NELL1: variants seen among roughly 807,000 people sequenced by gnomAD.
NELL1 encodes the protein protein kinase C-binding protein NELL1.
A neutral mutation model predicts 107.4 loss-of-function variants in NELL1; 76 were observed. The ratio of observed to expected loss-of-function variants is 0.71; its 90% confidence interval spans 0.59 to 0.86. The LOEUF (loss-of-function observed/expected upper bound fraction) is 0.86, where lower values mean the gene tolerates loss of function less well. Among genes scored for constraint, NELL1 ranks in the 40% least tolerant of loss-of-function variants. The pLI is 0.00. For synonymous variants in NELL1, 353 were observed against 341.2 expected, an observed-to-expected ratio of 1.03 and a Z score of -0.38; for missense variants, 1,024 against 1,005.5, an observed-to-expected ratio of 1.02 and a Z score of -0.25.
intron 15 of NELL1, among the ~76,000 whole-genome samples, chr11:21,476,441 C>A (rs1299916371): frequency 6.6e-6 from 1 of 152,052 alleles, no homozygotes; most frequent in Non-Finnish European, 1.5e-5. Context: ...GGATGGAGTA[C>A]AAGGAATGTC....
At chr11:20,868,939 T>C (rs143415540) in intron 4 of NELL1, among the ~76,000 whole-genome samples, 37 of 152,112 alleles carry the variant, frequency 2.4e-4, no homozygotes, top group African/African-American at 8.9e-4. Context: ...CGAGGAAAGA[T>C]TGAGTGGGAA....
At chr11:20,880,801 G>A (rs952802279) in intron 4 of NELL1, among the ~76,000 whole-genome samples, 1 of 152,214 alleles carries the variant, frequency 6.6e-6, no homozygotes, top group Non-Finnish European at 1.5e-5. Context: ...AGGGATTCAA[G>A]ATTCTCGGTC....
intron 12 of NELL1, among the ~76,000 whole-genome samples, chr11:21,080,513 A>G (rs970891531): frequency 3.9e-5 from 6 of 152,114 alleles, no homozygotes; most frequent in African/African-American, 7.2e-5. Flanking sequence ...ATATAGAATC[A>G]TATTATATCT....
At chr11:21,475,219 C>CT (rs1377315063) in intron 15 of NELL1, among the ~76,000 whole-genome samples, 3 of 152,128 alleles carry the variant, frequency 2.0e-5, no homozygotes, top group South Asian at 2.1e-4. Context: ...TTTATCTATG[C>CT]TTTTTTTAAT....
At chr11:20,847,813 G>A (rs1301744117) in intron 4 of NELL1, 60 bp downstream of exon 4, 12 of 1,491,916 alleles carry the variant, frequency 8.0e-6, no homozygotes, top group Non-Finnish European at 9.9e-6. Flanking sequence ...ATGGAAAAGG[G>A]GAAAAAATAT....
intron 11 of NELL1, among the ~76,000 whole-genome samples, chr11:20,958,853 A>G (rs1420085532): frequency 6.6e-6 from 1 of 152,218 alleles, no homozygotes. Flanking sequence ...GAAAACCCGC[A>G]AATAGCTCAA....
intron 15 of NELL1, among the ~76,000 whole-genome samples, chr11:21,433,502 G>T (rs1853023158): frequency 6.6e-6 from 1 of 152,058 alleles, no homozygotes; most frequent in Non-Finnish European, 1.5e-5. Context: ...CCAACAGTGT[G>T]TATGAGTTCC....
intron 4 of NELL1, among the ~76,000 whole-genome samples, chr11:20,885,020 A>T (rs138645234): frequency 2.7e-3 from 411 of 152,328 alleles, no homozygotes; most frequent in Non-Finnish European, 5.1e-3. Flanking sequence ...GCAGGGTGCA[A>T]AGGAAAGTAC....
chr11:21,435,441 TTTTG>T (rs1222941667), intron 15 of NELL1, among the ~76,000 whole-genome samples: 2 of 129,286 alleles, frequency 1.5e-5, no homozygotes, highest in African/African-American at 7.0e-5. Context: ...GTTTTTTGTT[TTTTG>T]TTTTTTTTTT....
intron 1 of NELL1, among the ~76,000 whole-genome samples, chr11:20,674,038 C>G (rs560042436): frequency 6.6e-6 from 1 of 152,230 alleles, no homozygotes; most frequent in African/African-American, 2.4e-5. Context: ...TATCCAGAAG[C>G]CTAATTGATT....
chr11:20,736,683 A>G (rs929821008), intron 2 of NELL1, among the ~76,000 whole-genome samples: 4 of 152,176 alleles, frequency 2.6e-5, no homozygotes, highest in Non-Finnish European at 5.9e-5. Flanking sequence ...CAAGGGATAT[A>G]TTTCTAAAAT....
At chr11:21,552,281 G>A (rs1448238957) in intron 16 of NELL1, among the ~76,000 whole-genome samples, 2 of 151,662 alleles carry the variant, frequency 1.3e-5, no homozygotes, top group Non-Finnish European at 2.9e-5. Context: ...AAAACTTAAA[G>A]TATAATAATA....
intron 2 of NELL1, among the ~76,000 whole-genome samples, chr11:20,707,862 T>G (rs558280538): frequency 5.3e-5 from 8 of 152,316 alleles, no homozygotes; most frequent in Non-Finnish European, 1.2e-4. Context: ...AACAACTACT[T>G]TCTTCAAAGC....
At position 20,981,337 on chromosome 11, in the gene NELL1, G is replaced by A. The variant is rs749065665; in HGVS notation, c.1300+20777G>A. On this transcript the variant is annotated intron_variant, in intron 12 of 19. Transcript: ENST00000357134. ...TAAATAATTTTAGTAGGAATCATAA[G>A]TCTGTTGGTATCTCAGGCCCCATCA... Among the ~76,000 whole-genome samples, 9 of 152,200 alleles carry A rather than the reference G, an allele frequency of 5.9e-5. No individual in the cohort carries two copies. The South Asian group carries it at 1.9e-3, about 32-fold the overall frequency.
intron 15 of NELL1, among the ~76,000 whole-genome samples, chr11:21,528,610 A>C (rs944037206): frequency 6.8e-6 from 1 of 147,934 alleles, no homozygotes; most frequent in African/African-American, 2.5e-5. Context: ...CACCAGGATC[A>C]TGAGCAAAAT....
intron 14 of NELL1, among the ~76,000 whole-genome samples, chr11:21,307,979 T>C (rs1565159517): frequency 1.3e-5 from 2 of 151,990 alleles, no homozygotes; most frequent in African/African-American, 4.8e-5. Flanking sequence ...CCAAACTAAA[T>C]TGGTCATATG....
At chr11:20,723,735 G>A (rs575990327) in intron 2 of NELL1, among the ~76,000 whole-genome samples, 1 of 152,116 alleles carries the variant, frequency 6.6e-6, no homozygotes, top group Non-Finnish European at 1.5e-5. Context: ...GACTCTGTGG[G>A]GGGGGGCTCC....
At chr11:20,768,783 A>G (rs1413720827) in intron 2 of NELL1, among the ~76,000 whole-genome samples, 1 of 152,188 alleles carries the variant, frequency 6.6e-6, no homozygotes, top group Non-Finnish European at 1.5e-5. Flanking sequence ...GAAAAAGGCA[A>G]GGAAACAGTC....
intron 2 of NELL1, among the ~76,000 whole-genome samples, chr11:20,707,531 T>A (rs1854998302): frequency 6.6e-6 from 1 of 152,232 alleles, no homozygotes; most frequent in Non-Finnish European, 1.5e-5. Context: ...ATGATGGTGA[T>A]GTACAGATTG....
Sources: allele counts gnomAD v4.1 joint callset (sites outside exome capture counted in the v4.1 genomes callset), GRCh38; gene constraint gnomAD v4.1.1; transcripts MANE v1.5; gene names NCBI Gene and HGNC (gene_info 2026-07-23, HGNC 2026-07-21).